Variants in GAN observed in about 807,000 individuals in gnomAD.
GAN encodes the protein gigaxonin.
In GAN, 48 loss-of-function variants were observed where a neutral mutation model predicts 71.3. The observed-to-expected ratio is 0.67, with a 90% CI of 0.53 to 0.86. The LOEUF (loss-of-function observed/expected upper bound fraction) is 0.86, where lower values mean the gene tolerates loss of function less well. GAN is among the 40% of genes least tolerant of loss of function. GAN has a pLI of 0.00. For synonymous variants in GAN, 386 were observed against 276.8 expected (o/e 1.39, Z -3.92); for missense variants, 928 against 770.1 (o/e 1.21, Z -2.43).
chr16:81,372,689 C>T (rs1310347113), intron 9 of GAN, among the ~76,000 whole-genome samples: 4 of 152,208 alleles, frequency 2.6e-5, no homozygotes, highest in East Asian at 1.9e-4. Flanking sequence ...ACAGTCATTC[C>T]GGGGATGAAC....
Position 81,388,924 on chromosome 16 carries a change from A to C in GAN, c.*11328A>C, listed in dbSNP as rs1304905224. On this transcript the variant is annotated 3_prime_UTR_variant, in exon 11 of 11. Coordinates refer to ENST00000648994, the MANE Select transcript of GAN (RefSeq NM_022041.4). ...CTTCAAAAGAAACTCCAAAAAATAA[A>C]TTTATTGTTAGTCTAGCATATGCTC... The C allele has an allele frequency of 3.3e-5, 5 of 152,208 alleles. No individual in the cohort carries two copies. The highest frequency in any genetic ancestry group is 9.7e-5 in the African/African-American group (4 of 41,446). 9.4% of individuals were successfully genotyped at this position (152,208 alleles called of 1,614,324 possible). A position where few individuals can be genotyped will look rare whatever the true frequency, so the allele number is the denominator to read the frequency against.
At position 81,387,627 on chromosome 16, in the gene GAN, C is replaced by G. The variant is rs1039877127; in HGVS notation, c.*10031C>G. On this transcript the variant is annotated 3_prime_UTR_variant, in exon 11 of 11. Coordinates refer to ENST00000648994, the MANE Select transcript of GAN (RefSeq NM_022041.4). ...GGTCAGGAGTTCAAGACTAGCCTGG[C>G]CAACATGGTGAAACCCCGTCTCTAC... The G allele has an allele frequency of 2.0e-5, 3 of 152,168 alleles. No individual in the cohort carries two copies. Among genetic ancestry groups the G allele is most frequent in the African/African-American group, 7.3e-5 (3 of 41,378 alleles). The allele number at this position is 152,168 out of a possible 1,614,324, so 9.4% of individuals were successfully genotyped here.
intron 2 of GAN, among the ~76,000 whole-genome samples, chr16:81,354,175 C>T (rs542376815): frequency 6.6e-6 from 1 of 151,100 alleles, no homozygotes; most frequent in South Asian, 2.1e-4. Flanking sequence ...ATTGGTACAG[C>T]AAGGGCAGAG....
chr16:81,347,367 T>C (rs1910152581), intron 1 of GAN, among the ~76,000 whole-genome samples: 1 of 152,220 alleles, frequency 6.6e-6, no homozygotes, highest in African/African-American at 2.4e-5. Context: ...GTTAAAGATG[T>C]ACAAGGGCCT....
Position 81,382,165 on chromosome 16 carries a change from G to A in GAN, c.*4569G>A, listed in dbSNP as rs1904308782. 6.6e-6 allele frequency: 1 copy of A among 152,104 alleles called. No individual in the cohort carries two copies. Among genetic ancestry groups the A allele is most frequent in the African/African-American group, 2.4e-5 (1 of 41,406 alleles). 9.4% of individuals were successfully genotyped at this position (152,104 alleles called of 1,614,324 possible). A position where few individuals can be genotyped will look rare whatever the true frequency, so the allele number is the denominator to read the frequency against. ...CCATTGTACCAGGGTAATCTTGGAG[G>A]CCTGATAGATATGGCTTCATTTCTC... On this transcript the variant is annotated 3_prime_UTR_variant, in exon 11 of 11. Transcript: ENST00000648994.
intron 1 of GAN, among the ~76,000 whole-genome samples, chr16:81,321,190 A>C (rs956571246): frequency 1.3e-5 from 2 of 152,204 alleles, no homozygotes; most frequent in African/African-American, 4.8e-5. Context: ...GAAGGTTTCA[A>C]ATGATGAAAC....
At chr16:81,319,233 CCTTT>C (rs1329747495) in intron 1 of GAN, among the ~76,000 whole-genome samples, 2 of 113,786 alleles carry the variant, frequency 1.8e-5, no homozygotes, top group African/African-American at 3.7e-5. Flanking sequence ...TATCTAACAA[CCTTT>C]CTAAGAATGG....
chr16:81,331,094 A>C (rs928238711), intron 1 of GAN, among the ~76,000 whole-genome samples: 17 of 152,200 alleles, frequency 1.1e-4, no homozygotes, highest in Non-Finnish European at 2.2e-4. Context: ...AGTCCCAGCC[A>C]CTCAGAAGGC....
intron 1 of GAN, among the ~76,000 whole-genome samples, chr16:81,330,508 T>C (rs558463801): frequency 2.2e-4 from 34 of 152,354 alleles, no homozygotes; most frequent in African/African-American, 8.2e-4. Flanking sequence ...CATGTGTCTG[T>C]GCATGGATAA....
At chr16:81,332,787 G>T (rs1165040585) in intron 1 of GAN, among the ~76,000 whole-genome samples, 1 of 152,104 alleles carries the variant, frequency 6.6e-6, no homozygotes, top group Non-Finnish European at 1.5e-5. Context: ...GTTTTGTTTG[G>T]TTTCTTACGA....
rs78912266 is a variant in GAN at position 81,381,499 on chromosome 16, A to G, written c.*3903A>G. ...CCACTGGCTGCTCACTGAGCACTGG[A>G]GTCCAGGAAGTCAGTGAGAAGAGAG... On this transcript the variant is annotated 3_prime_UTR_variant, in exon 11 of 11. Coordinates refer to ENST00000648994, the MANE Select transcript of GAN (RefSeq NM_022041.4). The G allele has an allele frequency of 0.046, 6,949 of 152,302 alleles. 209 individuals are homozygous for G. Among genetic ancestry groups the G allele is most frequent in the East Asian group, 0.12 (623 of 5,180 alleles). 9.4% of individuals were successfully genotyped at this position (152,302 alleles called of 1,614,324 possible). A position where few individuals can be genotyped will look rare whatever the true frequency, so the allele number is the denominator to read the frequency against.
intron 1 of GAN, among the ~76,000 whole-genome samples, chr16:81,329,275 C>G (rs1909492030): frequency 6.6e-6 from 1 of 151,898 alleles, no homozygotes; most frequent in Non-Finnish European, 1.5e-5. Flanking sequence ...ACATGTTGAA[C>G]AAACGCATCT....
chr16:81,345,605 G>A (rs920940408), intron 1 of GAN, among the ~76,000 whole-genome samples: 2 of 152,148 alleles, frequency 1.3e-5, no homozygotes, highest in East Asian at 1.9e-4. Flanking sequence ...AGGGGTGGGG[G>A]CCTAGGGGAG....
In GAN at chr16:81,389,985, G is replaced by A. The variant is rs1904516355; in HGVS notation, c.*12389G>A. The A allele has an allele frequency of 1.3e-5, 2 of 152,120 alleles. No homozygotes were observed. Among genetic ancestry groups the A allele is most frequent in the African/African-American group, 4.8e-5 (2 of 41,400 alleles). 9.4% of individuals were successfully genotyped at this position (152,120 alleles called of 1,614,324 possible). Reference sequence around the variant, plus strand: ...ATCTGTGTTTTCTGACATGGGACCTGCAGAATAGTATTTCTTTTAAATCCT... The same window carrying A: ...ATCTGTGTTTTCTGACATGGGACCTACAGAATAGTATTTCTTTTAAATCCT... On this transcript the variant is annotated 3_prime_UTR_variant, in exon 11 of 11. Coordinates refer to ENST00000648994, the MANE Select transcript of GAN (RefSeq NM_022041.4).
intron 1 of GAN, among the ~76,000 whole-genome samples, chr16:81,337,505 G>C (rs893159408): frequency 1.3e-5 from 2 of 152,168 alleles, no homozygotes; most frequent in African/African-American, 4.8e-5. Context: ...ATGATTCTTG[G>C]AAGACGATGA....
rs544620332 is a variant in GAN, at chr16:81,358,054, G to T, written c.973+123G>T. The stretch of plus-strand genomic sequence containing the variant: ...TTATTATCTCTACATGACATTTTTA[G>T]TGTAGTTCTAGCTTCTGAGACCGTG... On this transcript the variant is annotated intron_variant, in intron 5 of 10. Coordinates refer to ENST00000648994, the MANE Select transcript of GAN (RefSeq NM_022041.4). 3.8e-5 allele frequency: 33 copies of T among 873,838 alleles called. No homozygotes were observed. The Middle Eastern group carries it at 8.7e-4, about 23-fold the overall frequency. The allele number at this position is 873,838 out of a possible 1,614,324, so 54.1% of individuals were successfully genotyped here.
At chr16:81,353,553 T>G (rs1245780934) in intron 2 of GAN, among the ~76,000 whole-genome samples, 1 of 152,244 alleles carries the variant, frequency 6.6e-6, no homozygotes, top group Non-Finnish European at 1.5e-5. Flanking sequence ...TTTAAAAATC[T>G]GTGGTACAAA....
intron 9 of GAN, among the ~76,000 whole-genome samples, chr16:81,368,658 G>A (rs1910939478): frequency 6.6e-6 from 1 of 152,232 alleles, no homozygotes; most frequent in East Asian, 1.9e-4. Flanking sequence ...CAACTCATCA[G>A]TTGCCAGGTC....
intron 1 of GAN, among the ~76,000 whole-genome samples, chr16:81,323,002 C>T (rs989985065): frequency 1.3e-5 from 2 of 152,306 alleles, no homozygotes; most frequent in South Asian, 2.1e-4. Flanking sequence ...CCCTGATATT[C>T]GTGTTTGCCA....
Sources: allele counts gnomAD v4.1 joint callset (sites outside exome capture counted in the v4.1 genomes callset), GRCh38; gene constraint gnomAD v4.1.1; transcripts MANE v1.5; gene names NCBI Gene and HGNC (gene_info 2026-07-23, HGNC 2026-07-21).